Variants in ZNF454 observed in about 807,000 individuals in gnomAD.
The protein encoded by ZNF454 is zinc finger protein 454.
A neutral mutation model predicts 48.2 loss-of-function variants in ZNF454; 30 were observed. The ratio of observed to expected loss-of-function variants is 0.62; its 90% CI spans 0.47 to 0.84. The LOEUF is 0.84. ZNF454 is among the 40% of genes least tolerant of loss of function. The pLI is 0.00. For synonymous variants in ZNF454, 204 were observed against 211.4 expected (o/e 0.97, Z 0.30); for missense variants, 510 against 623.1 (o/e 0.82, Z 1.93).
At chr5:178,948,014 G>C (rs1759405913) in intron 4 of ZNF454, 1 of 151,958 alleles carries the variant, frequency 6.6e-6, no homozygotes, top group African/African-American at 2.4e-5. Context: ...TCTTGGGTTC[G>C]AGCAATTCTC....
At position 178,941,572 on chromosome 5, in the gene ZNF454, C is replaced by A; in HGVS notation, c.-108+128C>A. ...CCTCTGGCATGTGTCTTGGAGCGGA[C>A]TCCGAGAAGCCCAGGGTTTCCTCTC... On this transcript the variant is annotated intron_variant, in intron 1 of 4. Transcript: ENST00000519564. This position sits in a 1 kb window ranked among gnomAD's most constrained non-coding sequence, Gnocchi z 5.5. 2.3e-6 allele frequency: 1 copy of A among 443,044 alleles called. No homozygotes were observed. The allele number at this position is 443,044 out of a possible 1,614,324, so 27.4% of individuals were successfully genotyped here.
the ZNF454 span, among the ~76,000 whole-genome samples, chr5:178,988,563 C>T: frequency 6.6e-6 from 1 of 152,178 alleles, no homozygotes. The surrounding 1 kb of genome is among the most constrained non-coding windows in gnomAD (Gnocchi z 6.0). Context: ...CGGCATGTCC[C>T]TGGGTAGGCG....
At chr5:178,983,423 C>T in the ZNF454 span, 865 of 701,758 alleles carry the variant, frequency 1.2e-3, 6 homozygotes, top group African/African-American at 0.013. Context: ...AAGAGGGGTC[C>T]GTCCAAAGGC....
At chr5:178,971,704 A>T in the ZNF454 span, among the ~76,000 whole-genome samples, 1 of 151,704 alleles carries the variant, frequency 6.6e-6, no homozygotes, top group Non-Finnish European at 1.5e-5. Context: ...AAAATACAAA[A>T]AATTAGCCGG....
At chr5:178,984,764 G>A in the ZNF454 span, among the ~76,000 whole-genome samples, 113 of 152,258 alleles carry the variant, frequency 7.4e-4, 1 homozygote, top group African/African-American at 2.6e-3. Flanking sequence ...TGCATGACCC[G>A]AGGCACGTGG....
At chr5:178,980,832 C>T in the ZNF454 span, 1 of 152,270 alleles carries the variant, frequency 6.6e-6, no homozygotes, top group African/African-American at 2.4e-5. The surrounding 1 kb of genome is among the most constrained non-coding windows in gnomAD (Gnocchi z 4.3). Flanking sequence ...CAGGGTTTCA[C>T]CACATTGGCC....
At chr5:178,989,344 G>A in the ZNF454 span, 52 of 1,613,704 alleles carry the variant, frequency 3.2e-5, no homozygotes, top group African/African-American at 3.9e-4. Flanking sequence ...CCCAGAACTC[G>A]GCGAACCAGA....
the ZNF454 span, chr5:178,981,586 T>C: frequency 4.9e-6 from 6 of 1,228,428 alleles, no homozygotes; most frequent in Non-Finnish European, 7.2e-6. This position sits in a 1 kb window ranked among gnomAD's most constrained non-coding sequence, Gnocchi z 5.1. Context: ...ACCCGGGCTC[T>C]ATACAGCTTC....
chr5:178,966,648 G>A (rs867809569), downstream of ZNF454, among the ~76,000 whole-genome samples: 2 of 151,942 alleles, frequency 1.3e-5, no homozygotes, highest in South Asian at 4.2e-4. Context: ...GAACAAAAAG[G>A]TAAAATGGCC....
chr5:178,941,932 T>C lies in ZNF454; in HGVS notation c.-108+488T>C, dbSNP rs1234498560. Among the ~76,000 whole-genome samples, 3 of 146,174 alleles carry C rather than the reference T, an allele frequency of 2.1e-5. No individual in the cohort carries two copies. Among genetic ancestry groups the C allele is most frequent in the African/African-American group, 7.5e-5 (3 of 39,962 alleles). On this transcript the variant is annotated intron_variant, in intron 1 of 4. Transcript: ENST00000519564. This position sits in a 1 kb window ranked among gnomAD's most constrained non-coding sequence, Gnocchi z 5.5. ...TTTCTGAGGAGGAAGAAGACCACCC[T>C]CCTTTTCCTCTTCTCCTGTCACTGC...
chr5:178,982,362 G>T, the ZNF454 span, among the ~76,000 whole-genome samples: 1 of 152,148 alleles, frequency 6.6e-6, no homozygotes, highest in South Asian at 2.1e-4. Flanking sequence ...TGGGTCACTT[G>T]AGGTCAAGAA....
chr5:178,984,985 A>G, the ZNF454 span, among the ~76,000 whole-genome samples: 1 of 152,066 alleles, frequency 6.6e-6, no homozygotes, highest in South Asian at 2.1e-4. Flanking sequence ...CCAGACTCCA[A>G]GAGTTGTCTC....
chr5:178,952,908 T>C (rs1561699962), intron 4 of ZNF454, among the ~76,000 whole-genome samples: 1 of 152,186 alleles, frequency 6.6e-6, no homozygotes, highest in African/African-American at 2.4e-5. Context: ...TTCTGTTTTT[T>C]CCCCCTTTTC....
the ZNF454 span, chr5:178,988,956 T>G: frequency 8.4e-5 from 136 of 1,613,420 alleles, no homozygotes; most frequent in Non-Finnish European, 1.1e-4. The surrounding 1 kb of genome is among the most constrained non-coding windows in gnomAD (Gnocchi z 6.0). Flanking sequence ...ACAGCTCGAA[T>G]GTACTGCAGA....
chr5:178,981,653 C>G, the ZNF454 span: 19 of 1,609,630 alleles, frequency 1.2e-5, no homozygotes, highest in Non-Finnish European at 1.6e-5. The surrounding 1 kb of genome is among the most constrained non-coding windows in gnomAD (Gnocchi z 5.1). Context: ...TCCCACCTGC[C>G]CTGCTACTTG....
At chr5:178,989,434 G>A in the ZNF454 span, 1 of 1,613,538 alleles carries the variant, frequency 6.2e-7, no homozygotes, top group African/African-American at 1.3e-5. Flanking sequence ...GGGGAGGGTG[G>A]CGCTGACCTG....
chr5:178,976,586 G>C, the ZNF454 span, among the ~76,000 whole-genome samples: 2 of 152,158 alleles, frequency 1.3e-5, no homozygotes, highest in Non-Finnish European at 2.9e-5. Flanking sequence ...TCAATGGTAG[G>C]CTAATGGGGC....
the ZNF454 span, among the ~76,000 whole-genome samples, chr5:178,971,824 C>T: frequency 6.8e-6 from 1 of 146,700 alleles, no homozygotes; most frequent in African/African-American, 2.6e-5. Context: ...CCACTGCACT[C>T]CAGGCTGGGC....
chr5:178,956,607 G>A (rs1291132823), intron 4 of ZNF454, among the ~76,000 whole-genome samples: 1 of 151,264 alleles, frequency 6.6e-6, no homozygotes, highest in Non-Finnish European at 1.5e-5. Flanking sequence ...AAAAGGATGG[G>A]AAGAGGATCT....
Sources: allele counts gnomAD v4.1 joint callset (sites outside exome capture counted in the v4.1 genomes callset), GRCh38; gene constraint gnomAD v4.1.1; non-coding constraint Gnocchi (gnomAD v3.1); transcripts MANE v1.5; gene names NCBI Gene and HGNC (gene_info 2026-07-23, HGNC 2026-07-21).